USP31: variants seen among roughly 807,000 people sequenced by gnomAD.
USP31 encodes ubiquitin carboxyl-terminal hydrolase 31.
USP31 carries 44 observed loss-of-function variants against 119.4 expected under a neutral mutation model. That is an observed-to-expected ratio of 0.37 (90% CI 0.29 to 0.47). USP31 has a LOEUF of 0.47. Ranked by LOEUF, USP31 falls within the 20% of genes least tolerant of loss-of-function variation. The probability of loss-of-function intolerance (pLI) is 0.99; values close to 1 mark genes in which losing one functional copy is unlikely to be tolerated. For missense variants in USP31, 1,643 were observed against 1,730.2 expected, an observed-to-expected ratio of 0.95 and a Z score of 0.89; for synonymous variants, 749 against 705.6, an observed-to-expected ratio of 1.06 and a Z score of -0.97.
intron 1 of USP31, among the ~76,000 whole-genome samples, chr16:23,109,807 C>T (rs1902245046): frequency 7.9e-6 from 1 of 126,344 alleles, no homozygotes; most frequent in Non-Finnish European, 1.6e-5. Context: ...ATAAGGAAAA[C>T]ATCAGACAAA....
At chr16:23,076,176 TTAATACCTAGGTGA>T (rs757666316) in intron 13 of USP31, among the ~76,000 whole-genome samples, 4 of 152,040 alleles carry the variant, frequency 2.6e-5, no homozygotes, top group Middle Eastern at 3.4e-3. Context: ...CATGCTGGGC[TTAATACCTAGGTGA>T]TGGGATGATC....
At chr16:23,096,309 T>G (rs1371412375) in intron 6 of USP31, among the ~76,000 whole-genome samples, 2 of 152,248 alleles carry the variant, frequency 1.3e-5, no homozygotes, top group Admixed American at 6.5e-5. Context: ...CCTACATATA[T>G]ATGCACCCAA....
chr16:23,105,920 A>G (rs1902080770), intron 4 of USP31, among the ~76,000 whole-genome samples: 1 of 152,224 alleles, frequency 6.6e-6, no homozygotes. Flanking sequence ...AATGTAAAGT[A>G]AGGTCTCTAG....
At chr16:23,072,356 C>T in intron 14 of USP31, 159 bp from the exon 15 acceptor site, 1 of 952,050 alleles carries the variant, frequency 1.1e-6, no homozygotes, top group Admixed American at 2.1e-5. Context: ...CATGTCGTGC[C>T]TGTCCGAATA....
Position 23,082,506 on chromosome 16 carries a change from C to T in USP31, c.1882G>A (p.Gly628Arg). 1.2e-6 allele frequency: 2 copies of T among 1,614,184 alleles called. No homozygotes were observed. Among genetic ancestry groups the T allele is most frequent in the Non-Finnish European group, 1.7e-6 (2 of 1,180,032 alleles). Residue 628 changes from glycine to arginine, a missense_variant, in exon 12 of 16, where the codon GGA (glycine) becomes AGA (arginine). Around this residue, in one of 5 missense-constraint regions of USP31, gnomAD observed 279 missense variants for 372.2 expected, o/e 0.75. Transcript: ENST00000219689. ...GTCCAGAGGCTTAACGTAATGCTTC[C>T]CTGCTGCAGCTGCTTACAGTGTGGG... Reference protein sequence around the residue: ...RCPHCKQLQQGSITLSLWTLP... With the variant: ...RCPHCKQLQQRSITLSLWTLP...
chr16:23,079,851 G>C (rs1900738225), intron 13 of USP31, 95 bp downstream of exon 13: 1 of 1,187,840 alleles, frequency 8.4e-7, no homozygotes, highest in Non-Finnish European at 1.1e-6. Flanking sequence ...GCCTACCGGA[G>C]GGGAAATGAG....
chr16:23,132,667 A>C (rs921789614), intron 1 of USP31, among the ~76,000 whole-genome samples: 3 of 152,174 alleles, frequency 2.0e-5, no homozygotes, highest in Non-Finnish European at 4.4e-5. Context: ...GTCACCAAAA[A>C]CTTAAATGAT....
Position 23,106,500 on chromosome 16 carries a change from G to GA in USP31, c.772-14dup. On this transcript the variant is annotated splice_polypyrimidine_tract_variant and intron_variant, in intron 2 of 15. Coordinates refer to ENST00000219689, the MANE Select transcript of USP31 (RefSeq NM_020718.4). ...TCTCTGATGGTGGCTAAAAAAAAAA[G>GA]AAAGTACAACTTCACAGACTAGAAA... The GA allele has an allele frequency of 6.3e-7, 1 of 1,587,670 alleles. No individual in the cohort carries two copies. Among genetic ancestry groups the GA allele is most frequent in the Non-Finnish European group, 8.6e-7 (1 of 1,166,438 alleles).
intron 12 of USP31, among the ~76,000 whole-genome samples, chr16:23,081,988 T>A (rs911449196): frequency 2.0e-5 from 3 of 152,350 alleles, no homozygotes; most frequent in African/African-American, 7.2e-5. Context: ...CCTCAGGGAA[T>A]AGACAGCCTT....
chr16:23,107,647 TC>T (rs1185907912), intron 2 of USP31, among the ~76,000 whole-genome samples: 1 of 152,184 alleles, frequency 6.6e-6, no homozygotes, highest in African/African-American at 2.4e-5. Context: ...TCAAATCCAA[TC>T]CCAACAGCAG....
rs1353200875 is a variant in USP31, at chr16:23,124,261, A to C, written c.634-16078T>G. Among the ~76,000 whole-genome samples the C allele has an allele frequency of 2.6e-5, 4 of 152,354 alleles. No homozygotes were observed. The East Asian group carries it at 7.7e-4, about 29-fold the overall frequency. ...TAACAACCCTAAGTCACCAAGGAACAACTGAGTATGTCTAGGATTCTCACC... is the reference window on the plus strand; with the variant it reads ...TAACAACCCTAAGTCACCAAGGAACCACTGAGTATGTCTAGGATTCTCACC... On this transcript the variant is annotated intron_variant, in intron 1 of 15. Coordinates refer to ENST00000219689, the MANE Select transcript of USP31 (RefSeq NM_020718.4).
Position 23,069,273 on chromosome 16 carries a change from GA to G in USP31, c.2831del (p.Val944AlafsTer15). The G allele has an allele frequency of 6.2e-7, 1 of 1,613,192 alleles. No homozygotes were observed. Among genetic ancestry groups the G allele is most frequent in the Non-Finnish European group, 8.5e-7 (1 of 1,179,566 alleles). Reference sequence around the variant, plus strand: ...ATTCGTCTTTGAACACGCCTTCCATGACAGCCAGAGGGGCCCGGCCCACAGC... The same window carrying G: ...ATTCGTCTTTGAACACGCCTTCCATGCAGCCAGAGGGGCCCGGCCCACAGC... ...HKAVGRAPLA[V>X]MEGVFKDESD... On this transcript the variant is annotated frameshift_variant, in exon 16 of 16. Coordinates refer to ENST00000219689, the MANE Select transcript of USP31 (RefSeq NM_020718.4). LOFTEE classifies it high-confidence loss of function.
At chr16:23,085,716 G>A (rs1901079839) in intron 9 of USP31, 54 bp from the exon 10 acceptor site, 1 of 1,411,038 alleles carries the variant, frequency 7.1e-7, no homozygotes, top group African/African-American at 1.4e-5. Context: ...CTAAACAAAT[G>A]ATTTTACTTA....
rs1378962651 is a variant in USP31 at position 23,067,179 on chromosome 16, T to G, written c.*867A>C. 6.6e-6 allele frequency: 1 copy of G among 152,660 alleles called. No homozygotes were observed. The highest frequency in any genetic ancestry group is 2.4e-5 in the African/African-American group (1 of 41,460). The allele number at this position is 152,660 out of a possible 1,614,324, so 9.5% of individuals were successfully genotyped here. A position where few individuals can be genotyped will look rare whatever the true frequency, so the allele number is the denominator to read the frequency against. Reference sequence around the variant, plus strand: ...GGAATCTGTCAAAGGTGTTAACTGCTCTACTACAGTGCAAAATTCCAAGAG... The same window carrying G: ...GGAATCTGTCAAAGGTGTTAACTGCGCTACTACAGTGCAAAATTCCAAGAG... On this transcript the variant is annotated 3_prime_UTR_variant, in exon 16 of 16. Transcript: ENST00000219689.
chr16:23,090,240 G>A (rs1284725573), intron 7 of USP31, among the ~76,000 whole-genome samples: 2 of 152,036 alleles, frequency 1.3e-5, no homozygotes, highest in African/African-American at 4.8e-5. Context: ...TAAAAAATCC[G>A]CTGGGTGTGG....
rs1903643152 is a variant in USP31, at chr16:23,149,205, G to A, written c.66C>T (p.Ser22=). 2.6e-6 allele frequency: 3 copies of A among 1,153,376 alleles called. No individual in the cohort carries two copies. Among genetic ancestry groups the A allele is most frequent in the Non-Finnish European group, 2.1e-6 (2 of 934,918 alleles). The allele number at this position is 1,153,376 out of a possible 1,614,324, so 71.4% of individuals were successfully genotyped here. A position where few individuals can be genotyped will look rare whatever the true frequency, so the allele number is the denominator to read the frequency against. ...CGCTCCGAAACAGCCGCTTGCTGAA[G>A]GAGCGCTTCTCCTTCCCGCTCGCCG... ...PAAASGKEKR[S]FSKRLFRSGR... Residue 22 remains serine, a synonymous_variant, in exon 1 of 16, where the codon TCC becomes TCT. Transcript: ENST00000219689.
At chr16:23,133,428 T>C (rs575762718) in intron 1 of USP31, among the ~76,000 whole-genome samples, 42 of 152,318 alleles carry the variant, frequency 2.8e-4, no homozygotes, top group African/African-American at 8.4e-4. Context: ...GAATAAGACA[T>C]AATCACTGCA....
intron 1 of USP31, among the ~76,000 whole-genome samples, chr16:23,136,742 C>T (rs1903205091): frequency 6.6e-6 from 1 of 151,802 alleles, no homozygotes; most frequent in Non-Finnish European, 1.5e-5. Context: ...ATTCATATAT[C>T]TGATAAGAAA....
At chr16:23,148,587 G>A (rs1183319050) in intron 1 of USP31, 51 bp downstream of exon 1, 104 of 1,411,518 alleles carry the variant, frequency 7.4e-5, no homozygotes, top group Non-Finnish European at 9.1e-5. Context: ...GGGCGGGCAG[G>A]TGCCCCAGGG....
Sources: gnomAD v4.1 joint callset for allele counts (sites outside exome capture counted in the v4.1 genomes callset) on GRCh38, gnomAD v4.1.1 for gene constraint, gnomAD v4.1.1 regional missense constraint, MANE v1.5 for transcripts, NCBI Gene and HGNC (gene_info 2026-07-23, HGNC 2026-07-21) for gene names.